The following HIBCH variants were observed in gnomAD, a reference collection of about 807,000 sequenced individuals.
HIBCH encodes 3-hydroxyisobutyryl-CoA hydrolase, mitochondrial.
A neutral mutation model predicts 58.2 loss-of-function variants in HIBCH; 50 were observed. That is an observed-to-expected ratio of 0.86 (90% CI 0.68 to 1.09). The LOEUF (loss-of-function observed/expected upper bound fraction) is 1.09, where lower values mean the gene tolerates loss of function less well. HIBCH is among the 50% of genes least tolerant of loss of function. The pLI is 0.00. For missense variants in HIBCH, 450 were observed against 449.7 expected, an observed-to-expected ratio of 1.00 and a Z score of -0.01; for synonymous variants, 151 against 146.9, an observed-to-expected ratio of 1.03 and a Z score of -0.20.
At position 190,306,254 on chromosome 2, in the gene HIBCH, G is replaced by A. The variant is rs890911052; in HGVS notation, c.78+4500C>T. Among the ~76,000 whole-genome samples, 2 of 152,052 alleles carry A rather than the reference G, an allele frequency of 1.3e-5. No homozygotes were observed. Among genetic ancestry groups the A allele is most frequent in the South Asian group, 2.1e-4 (1 of 4,820 alleles). The stretch of plus-strand genomic sequence containing the variant: ...CTGAGGGATGCAATCTGGCATAAGC[G>A]CTGGAAATTTCTCTGTACCTTACTG... On this transcript the variant is annotated intron_variant, in intron 2 of 13. Coordinates refer to ENST00000359678, the MANE Select transcript of HIBCH (RefSeq NM_014362.4). The surrounding 1 kb of genome is among the most constrained non-coding windows in gnomAD (Gnocchi z 4.6).
intron 4 of HIBCH, among the ~76,000 whole-genome samples, chr2:190,294,339 G>C (rs1688049291): frequency 6.6e-6 from 1 of 151,496 alleles, no homozygotes; most frequent in Non-Finnish European, 1.5e-5. Flanking sequence ...TTTGTGTAGT[G>C]AGAAAAAAAA....
intron 9 of HIBCH, among the ~76,000 whole-genome samples, chr2:190,249,320 G>A (rs1321514474): frequency 1.3e-5 from 2 of 152,136 alleles, no homozygotes; most frequent in Non-Finnish European, 2.9e-5. Context: ...TCAAGAGTTT[G>A]CATCTCCACA....
At chr2:190,240,907 T>C (rs1008238525) in intron 11 of HIBCH, among the ~76,000 whole-genome samples, 5 of 152,228 alleles carry the variant, frequency 3.3e-5, no homozygotes, top group Non-Finnish European at 2.9e-5. Context: ...ATGTGGTTTA[T>C]TTTAGAATAA....
At position 190,279,072 on chromosome 2, in the gene HIBCH, T is replaced by C. The variant is rs2582735; in HGVS notation, c.438+8514A>G. On this transcript the variant is annotated intron_variant, in intron 6 of 13. Transcript: ENST00000359678. This position sits in a 1 kb window ranked among gnomAD's most constrained non-coding sequence, Gnocchi z 4.2. Reference sequence around the variant, plus strand: ...GCCAAGGTTGAAGGGCCATATCTGTTGAGGGCCTTCTTGCTGGTGGGGACT... The same window carrying C: ...GCCAAGGTTGAAGGGCCATATCTGTCGAGGGCCTTCTTGCTGGTGGGGACT... Among the ~76,000 whole-genome samples, 84,839 of 152,084 alleles carry C rather than the reference T, an allele frequency of 0.56. 24,413 individuals carry two copies. The highest frequency in any genetic ancestry group is 0.61 in the South Asian group (2,921 of 4,820).
At chr2:190,245,073 GA>G (rs879203473) in intron 10 of HIBCH, 105 bp from the exon 11 acceptor site, 22 of 781,408 alleles carry the variant, frequency 2.8e-5, no homozygotes, top group Middle Eastern at 3.2e-4. Flanking sequence ...TTTCAATAAT[GA>G]AAAATTGTCT....
chr2:190,217,016 G>C lies in HIBCH; in HGVS notation c.892-3941C>G, dbSNP rs1685565301. Among the ~76,000 whole-genome samples, 1 of 152,200 alleles carries C rather than the reference G, an allele frequency of 6.6e-6. No homozygotes were observed. Among genetic ancestry groups the C allele is most frequent in the African/African-American group, 2.4e-5 (1 of 41,448 alleles). ...AGCAAACAATGAGGAAGTGAGGGTG[G>C]AGCCAGGGATGCTTTTGCTAATGAA... is the stretch of plus-strand genomic sequence containing the variant. On this transcript the variant is annotated intron_variant, in intron 11 of 13. Coordinates refer to ENST00000359678, the MANE Select transcript of HIBCH (RefSeq NM_014362.4). The surrounding 1 kb of genome is among the most constrained non-coding windows in gnomAD (Gnocchi z 4.6).
At chr2:190,273,233 A>T (rs1305077321) in intron 6 of HIBCH, among the ~76,000 whole-genome samples, 1 of 152,028 alleles carries the variant, frequency 6.6e-6, no homozygotes, top group African/African-American at 2.4e-5. Context: ...ACTCTATTAA[A>T]AATACAAAAA....
At position 190,206,444 on chromosome 2, in the gene HIBCH, G is replaced by C. The variant is rs1412306054; in HGVS notation, c.1046-1212C>G. On this transcript the variant is annotated intron_variant, in intron 13 of 13. Coordinates refer to ENST00000359678, the MANE Select transcript of HIBCH (RefSeq NM_014362.4). The surrounding 1 kb of genome is among the most constrained non-coding windows in gnomAD (Gnocchi z 5.1). ...TCCTTGAGATCCCACTGAAGGACAAGAGCAAAGAGACTATTAATCAAATTT... is the reference window on the plus strand; with the variant it reads ...TCCTTGAGATCCCACTGAAGGACAACAGCAAAGAGACTATTAATCAAATTT... Among the ~76,000 whole-genome samples the C allele has an allele frequency of 6.6e-6, 1 of 152,170 alleles. No individual in the cohort carries two copies. Among genetic ancestry groups the C allele is most frequent in the East Asian group, 1.9e-4 (1 of 5,202 alleles).
In HIBCH at chr2:190,294,022, GTATATATATATA is replaced by G. The variant is rs1553505756; in HGVS notation, c.304+512_304+523del. The stretch of plus-strand genomic sequence containing the variant: ...ATATTTTGTAATATATATTTTGTGT[GTATATATATATA>G]TATATATATATATATATATAGCAAC... On this transcript the variant is annotated intron_variant, in intron 4 of 13. Coordinates refer to ENST00000359678, the MANE Select transcript of HIBCH (RefSeq NM_014362.4). Among the ~76,000 whole-genome samples the G allele has an allele frequency of 3.9e-3, 323 of 83,026 alleles. 5 individuals carry two copies. The highest frequency in any genetic ancestry group is 0.012 in the African/African-American group (279 of 23,476). The allele number at this position is 83,026 out of a possible 152,430, so 54.5% of individuals were successfully genotyped here. A position where few individuals can be genotyped will look rare whatever the true frequency, so the allele number is the denominator to read the frequency against.
rs972452187 is a variant in HIBCH, at chr2:190,279,657, C to T, written c.438+7929G>A. ...GACCTGTGCTAACATTCTTAGATAT[C>T]TGCTAGCCTTAATAAAGAAATCAAT... On this transcript the variant is annotated intron_variant, in intron 6 of 13. Transcript: ENST00000359678. This position sits in a 1 kb window ranked among gnomAD's most constrained non-coding sequence, Gnocchi z 4.2. The T allele has an allele frequency of 6.5e-6, 1 of 152,816 alleles. No individual in the cohort carries two copies. Among genetic ancestry groups the T allele is most frequent in the African/African-American group, 2.4e-5 (1 of 41,466 alleles). 9.5% of individuals were successfully genotyped at this position (152,816 alleles called of 1,614,324 possible).
At position 190,210,676 on chromosome 2, in the gene HIBCH, C is replaced by T. The variant is rs1690495385; in HGVS notation, c.1012-1763G>A. ...TTCTCTACACTGTTTCCTCTGACCT[C>T]ATCTCTCACTCACCACAACCTCTGC... On this transcript the variant is annotated intron_variant, in intron 12 of 13. Coordinates refer to ENST00000359678, the MANE Select transcript of HIBCH (RefSeq NM_014362.4). The surrounding 1 kb of genome is among the most constrained non-coding windows in gnomAD (Gnocchi z 5.5). 6.6e-6 allele frequency among the ~76,000 whole-genome samples: 1 copy of T among 152,164 alleles called. No homozygotes were observed. The highest frequency in any genetic ancestry group is 1.5e-5 in the Non-Finnish European group (1 of 68,026).
At chr2:190,199,547 T>G (rs13429540), downstream of HIBCH, 78,431 of 262,778 alleles carry the variant, frequency 0.3, 12,902 homozygotes, top group East Asian at 0.47. Flanking sequence ...AGTGATTATC[T>G]TTTTCTTCTA....
intron 11 of HIBCH, among the ~76,000 whole-genome samples, chr2:190,237,701 G>A (rs528317093): frequency 4.6e-5 from 7 of 152,038 alleles, no homozygotes; most frequent in Non-Finnish European, 7.4e-5. Context: ...TGTGCAGAAC[G>A]TGCAGGTTTG....
chr2:190,221,264 G>T (rs570756274), intron 11 of HIBCH, among the ~76,000 whole-genome samples: 1 of 152,128 alleles, frequency 6.6e-6, no homozygotes, highest in African/African-American at 2.4e-5. Context: ...AGAGTGCTGG[G>T]TTAGAATCCT....
In HIBCH at chr2:190,231,100, A is replaced by G. The variant is rs556872968; in HGVS notation, c.891+13787T>C. Among the ~76,000 whole-genome samples, 5 of 152,358 alleles carry G rather than the reference A, an allele frequency of 3.3e-5. No homozygotes were observed. In the South Asian group the frequency reaches 1.0e-3, roughly 32 times the overall value. On this transcript the variant is annotated intron_variant, in intron 11 of 13. Transcript: ENST00000359678. ...GATTTTTGACAAAAGACACCAATGC[A>G]ATCCAATGGGGAAGAAAGAAGTCTT...
At chr2:190,295,476 T>A (rs568162820) in intron 3 of HIBCH, among the ~76,000 whole-genome samples, 9 of 152,318 alleles carry the variant, frequency 5.9e-5, no homozygotes, top group Non-Finnish European at 7.3e-5. Flanking sequence ...CTGCGAGCAA[T>A]CATGAGGCCA....
chr2:190,233,620 A>G (rs1437238112), intron 11 of HIBCH, among the ~76,000 whole-genome samples: 4 of 152,198 alleles, frequency 2.6e-5, no homozygotes, highest in Admixed American at 6.5e-5. Flanking sequence ...CAGCAGTGTG[A>G]AAAGAGATGA....
chr2:190,253,065 T>C (rs1302735641), intron 7 of HIBCH, among the ~76,000 whole-genome samples: 1 of 152,102 alleles, frequency 6.6e-6, no homozygotes, highest in Non-Finnish European at 1.5e-5. Flanking sequence ...GGCGCATGCC[T>C]GTAATCCCAG....
intron 1 of HIBCH, among the ~76,000 whole-genome samples, chr2:190,192,969 C>T (rs952596338): frequency 6.6e-6 from 1 of 151,946 alleles, no homozygotes; most frequent in South Asian, 2.1e-4. Flanking sequence ...TGGCAGTTTT[C>T]TCCTTCTCTC....
Sources: gnomAD v4.1 joint callset for allele counts (sites outside exome capture counted in the v4.1 genomes callset) on GRCh38, gnomAD v4.1.1 for gene constraint, Gnocchi (gnomAD v3.1) non-coding constraint, MANE v1.5 for transcripts, NCBI Gene and HGNC (gene_info 2026-07-23, HGNC 2026-07-21) for gene names.